Variants in TTC28 observed in about 807,000 individuals in gnomAD.
TTC28 encodes the protein tetratricopeptide repeat domain 28.
In TTC28, 61 loss-of-function variants were observed where a neutral mutation model predicts 198.0. That is an observed-to-expected ratio of 0.31 (90% confidence interval 0.25 to 0.38). The LOEUF is 0.38. Ranked by LOEUF, TTC28 falls within the 10% of genes least tolerant of loss-of-function variation. The pLI is 1.00. For synonymous variants in TTC28, 1,171 were observed against 1,297.8 expected, an observed-to-expected ratio of 0.90 and a Z score of 2.10; for missense variants, 2,678 against 3,164.0, an observed-to-expected ratio of 0.85 and a Z score of 3.69.
intron 2 of TTC28, among the ~76,000 whole-genome samples, chr22:28,400,430 C>A (rs2046888980): frequency 6.6e-6 from 1 of 152,078 alleles, no homozygotes; most frequent in Admixed American, 6.6e-5. Flanking sequence ...TTAAATTAAT[C>A]TTTTAGCTTA....
intron 2 of TTC28, among the ~76,000 whole-genome samples, chr22:28,431,430 T>A (rs2047427913): frequency 6.6e-6 from 1 of 152,234 alleles, no homozygotes; most frequent in Non-Finnish European, 1.5e-5. Flanking sequence ...AATTTCATAT[T>A]AATGTTTAAA....
At chr22:28,394,622 G>A (rs1388692719) in intron 2 of TTC28, among the ~76,000 whole-genome samples, 2 of 152,130 alleles carry the variant, frequency 1.3e-5, no homozygotes, top group African/African-American at 4.8e-5. Flanking sequence ...AATAAGCAAG[G>A]TGACCTCTCT....
intron 2 of TTC28, among the ~76,000 whole-genome samples, chr22:28,444,093 T>C (rs1455878109): frequency 6.6e-6 from 1 of 152,212 alleles, no homozygotes; most frequent in Non-Finnish European, 1.5e-5. Context: ...ATTCATCTTC[T>C]GTGAAATCAT....
chr22:28,513,369 T>C (rs1400346608), intron 2 of TTC28, among the ~76,000 whole-genome samples: 1 of 152,206 alleles, frequency 6.6e-6, no homozygotes, highest in East Asian at 1.9e-4. Context: ...GGTTAAAATT[T>C]TAGGAGCTGA....
chr22:28,069,859 C>T (rs966988408), intron 12 of TTC28, among the ~76,000 whole-genome samples: 5 of 150,886 alleles, frequency 3.3e-5, no homozygotes, highest in East Asian at 2.0e-4. Flanking sequence ...AACCAAAGTA[C>T]GAAGAAGCAG....
chr22:28,391,921 C>G (rs932772191), intron 2 of TTC28, among the ~76,000 whole-genome samples: 7 of 152,206 alleles, frequency 4.6e-5, no homozygotes, highest in Non-Finnish European at 7.3e-5. Flanking sequence ...AGGCGCTCTG[C>G]TTTTTAGAGT....
At chr22:28,226,416 C>T (rs189129591) in intron 5 of TTC28, among the ~76,000 whole-genome samples, 2 of 151,782 alleles carry the variant, frequency 1.3e-5, no homozygotes, top group East Asian at 3.9e-4. Flanking sequence ...TTTCTGTTCT[C>T]TTCTCTTCTT....
intron 22 of TTC28, among the ~76,000 whole-genome samples, chr22:27,984,882 GTGTCCCCAGGGCCTGGAA>G (rs1460863586): frequency 6.6e-6 from 1 of 152,174 alleles, no homozygotes; most frequent in Non-Finnish European, 1.5e-5. Context: ...CGGGCTGGGT[GTGTCCCCAGGGCCTGGAA>G]ATCTCCCAGG....
intron 2 of TTC28, among the ~76,000 whole-genome samples, chr22:28,590,478 T>C (rs189013560): frequency 6.6e-6 from 1 of 152,186 alleles, no homozygotes; most frequent in Admixed American, 6.5e-5. Context: ...TCTGGCTAGG[T>C]ACAGTAGCTC....
At chr22:27,984,848 A>G (rs1937155915) in intron 22 of TTC28, among the ~76,000 whole-genome samples, 1 of 152,234 alleles carries the variant, frequency 6.6e-6, no homozygotes, top group Admixed American at 6.5e-5. Context: ...CACTGTAGCC[A>G]GCTTGGCCCT....
At chr22:28,139,057 G>T (rs568037287) in intron 6 of TTC28, among the ~76,000 whole-genome samples, 7 of 151,302 alleles carry the variant, frequency 4.6e-5, no homozygotes, top group African/African-American at 1.7e-4. Flanking sequence ...GATTTTGGGG[G>T]TTGGGGAGAG....
At chr22:28,536,220 A>C (rs1476726762) in intron 2 of TTC28, among the ~76,000 whole-genome samples, 1 of 82,360 alleles carries the variant, frequency 1.2e-5, no homozygotes, top group Admixed American at 1.1e-4. Flanking sequence ...AAAAAAAAAA[A>C]CATAAAAATA....
rs1937029276 is a variant in TTC28, at chr22:27,981,728, A to ACACTT, written c.*488_*492dup. On this transcript the variant is annotated 3_prime_UTR_variant, in exon 23 of 23. Transcript: ENST00000397906. Reference sequence around the variant, plus strand: ...CATTTTTCTGTTTTTGGCTAATATAACACTTTCCTGTAGAATTCAACTGAA... The same window carrying ACACTT: ...CATTTTTCTGTTTTTGGCTAATATAACACTTCACTTTCCTGTAGAATTCAACTGAA... The ACACTT allele has an allele frequency of 1.3e-5, 2 of 153,130 alleles. No individual in the cohort carries two copies. The highest frequency in any genetic ancestry group is 4.8e-5 in the African/African-American group (2 of 41,460). The allele number at this position is 153,130 out of a possible 1,614,324, so 9.5% of individuals were successfully genotyped here. A position where few individuals can be genotyped will look rare whatever the true frequency, so the allele number is the denominator to read the frequency against.
rs1937690614 is a variant in TTC28 at position 28,001,504 on chromosome 22, A to T, written c.4268T>A (p.Leu1423Gln). ...GPVGRHRQLILVLEGELYLIP... is the reference protein window; with the variant it reads ...GPVGRHRQLIQVLEGELYLIP... ...GAGGTAGAGCTCCCCCTCCAGAACCAGGATGAGCTGCCGGTGCCGGCCCAC... is the reference window on the plus strand; with the variant it reads ...GAGGTAGAGCTCCCCCTCCAGAACCTGGATGAGCTGCCGGTGCCGGCCCAC... The change falls in exon 15 of 23, where the codon CTG becomes CAG. Residue 1423 changes from leucine (L) to glutamine (Q), a missense_variant. Transcript: ENST00000397906. 1 of 1,551,314 alleles carries T rather than the reference A, an allele frequency of 6.4e-7. No homozygotes were observed. The highest frequency in any genetic ancestry group is 1.4e-5 in the African/African-American group (1 of 73,082).
At chr22:28,507,996 A>G (rs1290687017) in intron 2 of TTC28, among the ~76,000 whole-genome samples, 2 of 152,194 alleles carry the variant, frequency 1.3e-5, no homozygotes, top group Non-Finnish European at 2.9e-5. Flanking sequence ...GCAATCACAT[A>G]AACAGGTCTG....
At chr22:28,399,815 C>T (rs1186505242) in intron 2 of TTC28, among the ~76,000 whole-genome samples, 1 of 152,150 alleles carries the variant, frequency 6.6e-6, no homozygotes, top group Non-Finnish European at 1.5e-5. Flanking sequence ...AGCCTCACAA[C>T]AATCTGATAA....
intron 2 of TTC28, among the ~76,000 whole-genome samples, chr22:28,450,615 T>A (rs1056087506): frequency 6.6e-6 from 1 of 152,188 alleles, no homozygotes; most frequent in African/African-American, 2.4e-5. Flanking sequence ...TAACTCTGAA[T>A]TTTTTTCCTC....
chr22:27,984,942 GC>G (rs989272156), intron 22 of TTC28, among the ~76,000 whole-genome samples: 3 of 152,160 alleles, frequency 2.0e-5, no homozygotes, highest in African/African-American at 7.2e-5. Context: ...CTCCGGTCAG[GC>G]CCTGTGGCCC....
rs1238003316 is a variant in TTC28 at position 28,283,793 on chromosome 22, C to T, written c.933+12405G>A. On this transcript the variant is annotated intron_variant, in intron 5 of 22. Transcript: ENST00000397906. ...CTTGAACTCCTGCTCAAGCAATCCT[C>T]TCACCTTAGCCTCCCAAGTAGTTGA... Among the ~76,000 whole-genome samples, 4 of 152,196 alleles carry T rather than the reference C, an allele frequency of 2.6e-5. No homozygotes were observed. The East Asian group carries it at 5.8e-4, about 22-fold the overall frequency.
Sources: gnomAD v4.1 joint callset for allele counts (sites outside exome capture counted in the v4.1 genomes callset) on GRCh38, gnomAD v4.1.1 for gene constraint, MANE v1.5 for transcripts, NCBI Gene and HGNC (gene_info 2026-07-23, HGNC 2026-07-21) for gene names.